The following GPR137C variants were observed in gnomAD, a reference collection of about 807,000 sequenced individuals.
GPR137C encodes the protein G protein-coupled receptor 137C, also known as integral membrane protein GPR137C.
A neutral mutation model predicts 43.4 loss-of-function variants in GPR137C; 27 were observed. The ratio of observed to expected loss-of-function variants is 0.62; its 90% CI spans 0.46 to 0.86. The LOEUF is 0.86. GPR137C is among the 40% of genes least tolerant of loss of function. The probability of loss-of-function intolerance (pLI) is 0.00; values close to 1 mark genes in which losing one functional copy is unlikely to be tolerated. For missense variants in GPR137C, 522 were observed against 534.6 expected, an observed-to-expected ratio of 0.98 and a Z score of 0.23; for synonymous variants, 285 against 226.9, an observed-to-expected ratio of 1.26 and a Z score of -2.30.
intron 1 of GPR137C, among the ~76,000 whole-genome samples, chr14:52,591,816 G>A (rs571671458): frequency 2.0e-5 from 3 of 152,140 alleles, no homozygotes; most frequent in Admixed American, 2.0e-4. Context: ...GTATGCAGAA[G>A]CTCTTTATTT....
chr14:52,632,698 CA>C (rs1182094211), intron 4 of GPR137C, among the ~76,000 whole-genome samples: 1 of 152,008 alleles, frequency 6.6e-6, no homozygotes, highest in Non-Finnish European at 1.5e-5. Flanking sequence ...CCAAGAACTA[CA>C]TATACTCTTA....
chr14:52,636,816 TG>T lies in GPR137C; in HGVS notation c.*1702del, dbSNP rs2039358398. ...TCATTGTAACCAAATTATTTTAAAA[TG>T]TATAGTATAAAAAGTTACCCGTGGT... On this transcript the variant is annotated 3_prime_UTR_variant, in exon 7 of 7. Coordinates refer to ENST00000321662, the MANE Select transcript of GPR137C (RefSeq NM_001099652.2). The T allele has an allele frequency of 6.6e-6, 1 of 152,108 alleles. No homozygotes were observed. Among genetic ancestry groups the T allele is most frequent in the Non-Finnish European group, 1.5e-5 (1 of 67,970 alleles). The allele number at this position is 152,108 out of a possible 1,614,324, so 9.4% of individuals were successfully genotyped here.
intron 1 of GPR137C, among the ~76,000 whole-genome samples, chr14:52,554,605 ACAT>A (rs1243976686): frequency 2.0e-5 from 3 of 152,166 alleles, no homozygotes; most frequent in South Asian, 2.1e-4. Flanking sequence ...AAGCAAGGTG[ACAT>A]CATATGCTTA....
chr14:52,597,349 C>G (rs771180709), intron 1 of GPR137C, among the ~76,000 whole-genome samples: 17 of 152,156 alleles, frequency 1.1e-4, no homozygotes, highest in Non-Finnish European at 1.5e-5. Context: ...TCCATAGCAC[C>G]TTTCATAGAG....
At position 52,624,922 on chromosome 14, in the gene GPR137C, G is replaced by T. The variant is rs182462634; in HGVS notation, c.718-7238G>T. Among the ~76,000 whole-genome samples, 309 of 152,182 alleles carry T rather than the reference G, an allele frequency of 2.0e-3. 1 individual carries two copies. Among genetic ancestry groups the T allele is most frequent in the Non-Finnish European group, 3.5e-3 (237 of 67,986 alleles). ...ACTAAACATCTTACAGACATTAAAA[G>T]ACAAGAGGATATATGAACAACACTT... On this transcript the variant is annotated intron_variant, in intron 3 of 6. Coordinates refer to ENST00000321662, the MANE Select transcript of GPR137C (RefSeq NM_001099652.2).
intron 3 of GPR137C, among the ~76,000 whole-genome samples, chr14:52,619,939 A>T (rs1275434929): frequency 6.6e-6 from 1 of 152,184 alleles, no homozygotes; most frequent in Non-Finnish European, 1.5e-5. Flanking sequence ...ATTTGAAAAA[A>T]AATACATGCA....
chr14:52,597,071 G>A (rs982789390), intron 1 of GPR137C: 1 of 439,586 alleles, frequency 2.3e-6, no homozygotes, highest in South Asian at 1.6e-5. Context: ...AGATGCACAG[G>A]CATCTATCTT....
intron 1 of GPR137C, among the ~76,000 whole-genome samples, chr14:52,593,746 G>T (rs183189690): frequency 6.6e-6 from 1 of 151,448 alleles, no homozygotes; most frequent in African/African-American, 2.4e-5. Context: ...TCTTGCTAGC[G>T]GTCTCTCTAT....
chr14:52,631,901 A>G (rs1257691870), intron 3 of GPR137C, among the ~76,000 whole-genome samples: 1 of 152,000 alleles, frequency 6.6e-6, no homozygotes, highest in Non-Finnish European at 1.5e-5. Flanking sequence ...ATATATTACA[A>G]GGCAACCTTG....
intron 1 of GPR137C, among the ~76,000 whole-genome samples, chr14:52,591,621 G>T (rs2038785669): frequency 1.3e-5 from 2 of 152,002 alleles, no homozygotes; most frequent in African/African-American, 4.8e-5. Context: ...CTGCATAAAT[G>T]TCTTTTCAGA....
intron 3 of GPR137C, among the ~76,000 whole-genome samples, chr14:52,628,550 C>A (rs1314716225): frequency 6.6e-6 from 1 of 152,174 alleles, no homozygotes; most frequent in Non-Finnish European, 1.5e-5. Flanking sequence ...AATCCCAGCA[C>A]TTTGGGAGGC....
chr14:52,565,292 C>G (rs1277925826), intron 1 of GPR137C, among the ~76,000 whole-genome samples: 2 of 152,176 alleles, frequency 1.3e-5, no homozygotes, highest in Non-Finnish European at 2.9e-5. Flanking sequence ...CCTCCTCTTC[C>G]TCCTCCTTCT....
chr14:52,579,802 G>T (rs12892298), intron 1 of GPR137C, among the ~76,000 whole-genome samples: 1 of 152,204 alleles, frequency 6.6e-6, no homozygotes. Flanking sequence ...TACCACAGAA[G>T]ATCATTAGAA....
At chr14:52,560,964 C>T (rs1367500738) in intron 1 of GPR137C, among the ~76,000 whole-genome samples, 2 of 152,064 alleles carry the variant, frequency 1.3e-5, no homozygotes, top group South Asian at 2.1e-4. Context: ...ATGTATCTGG[C>T]AAAGTACGTT....
At chr14:52,579,942 C>T (rs1193431312) in intron 1 of GPR137C, among the ~76,000 whole-genome samples, 1 of 152,146 alleles carries the variant, frequency 6.6e-6, no homozygotes. Context: ...TGCACAAATG[C>T]TTTAGGTAAA....
rs757090467 is a variant in GPR137C at position 52,633,805 on chromosome 14, G to T, written c.994-23G>T. 1.6e-5 allele frequency: 24 copies of T among 1,546,858 alleles called. No individual in the cohort carries two copies. The South Asian group carries it at 2.3e-4, about 15-fold the overall frequency. On this transcript the variant is annotated intron_variant, in intron 5 of 6. Coordinates refer to ENST00000321662, the MANE Select transcript of GPR137C (RefSeq NM_001099652.2). ...TAGTGGAAAAGTAAAACCTTCATAT[G>T]CTATCTAATACTTTGTTCACAGGCA...
intron 3 of GPR137C, among the ~76,000 whole-genome samples, chr14:52,627,822 G>A (rs181511826): frequency 2.0e-5 from 3 of 152,086 alleles, no homozygotes; most frequent in Non-Finnish European, 2.9e-5. Flanking sequence ...CCAGCCTGGC[G>A]ACAGAGCAAG....
intron 3 of GPR137C, among the ~76,000 whole-genome samples, chr14:52,607,450 T>C (rs1180695847): frequency 6.6e-6 from 1 of 152,244 alleles, no homozygotes; most frequent in African/African-American, 2.4e-5. Context: ...CTAATATTAA[T>C]ATTTGCTTCA....
intron 1 of GPR137C, among the ~76,000 whole-genome samples, chr14:52,590,677 A>C (rs2038770709): frequency 6.6e-6 from 1 of 152,178 alleles, no homozygotes; most frequent in Non-Finnish European, 1.5e-5. Flanking sequence ...TGCACATAGC[A>C]TTTGGTACAG....
Sources: allele counts gnomAD v4.1 joint callset (sites outside exome capture counted in the v4.1 genomes callset), GRCh38; gene constraint gnomAD v4.1.1; transcripts MANE v1.5; gene names NCBI Gene and HGNC (gene_info 2026-07-23, HGNC 2026-07-21).